PPM1L: variants seen among roughly 807,000 people sequenced by gnomAD.
The protein encoded by PPM1L is protein phosphatase 1L.
Under a neutral mutation model 31.4 loss-of-function variants are expected in PPM1L, and 13 were observed. The ratio of observed to expected loss-of-function variants is 0.41; its 90% CI spans 0.27 to 0.66. PPM1L has a LOEUF of 0.66. PPM1L is among the 30% of genes least tolerant of loss of function. PPM1L has a pLI of 0.29. For synonymous variants in PPM1L, 184 were observed against 175.4 expected (o/e 1.05, Z -0.39); for missense variants, 326 against 453.7 (o/e 0.72, Z 2.56).
chr3:160,837,910 A>T (rs541456009), intron 1 of PPM1L, among the ~76,000 whole-genome samples: 1 of 152,238 alleles, frequency 6.6e-6, no homozygotes, highest in East Asian at 1.9e-4. Context: ...TTAAATGAGG[A>T]AGCTTGTATT....
At chr3:161,020,509 C>T (rs145528434) in intron 2 of PPM1L, among the ~76,000 whole-genome samples, 34 of 152,274 alleles carry the variant, frequency 2.2e-4, no homozygotes, top group African/African-American at 7.9e-4. Context: ...TATCAACTAA[C>T]TAGGGAAATG....
At chr3:160,957,533 C>G (rs988910381) in intron 1 of PPM1L, among the ~76,000 whole-genome samples, 1 of 149,866 alleles carries the variant, frequency 6.7e-6, no homozygotes, top group African/African-American at 2.4e-5. Flanking sequence ...GTGTAAAAGT[C>G]TTCCTTTTCC....
intron 2 of PPM1L, among the ~76,000 whole-genome samples, chr3:160,998,118 C>G (rs1317863591): frequency 6.6e-6 from 1 of 152,106 alleles, no homozygotes; most frequent in Non-Finnish European, 1.5e-5. Context: ...GCATTCAAGA[C>G]AAATAACATT....
At chr3:160,854,502 G>A (rs1326963733) in intron 1 of PPM1L, among the ~76,000 whole-genome samples, 3 of 152,008 alleles carry the variant, frequency 2.0e-5, no homozygotes, top group Non-Finnish European at 4.4e-5. Flanking sequence ...TAGAAGTTTG[G>A]ATTTTCTCAA....
chr3:160,822,548 A>C (rs570052616), intron 1 of PPM1L, among the ~76,000 whole-genome samples: 1 of 151,330 alleles, frequency 6.6e-6, no homozygotes, highest in East Asian at 1.9e-4. Context: ...GTTCTTTAAA[A>C]GTCTGTGTCT....
chr3:161,046,554 A>G (rs1276496768), intron 2 of PPM1L, among the ~76,000 whole-genome samples: 1 of 152,198 alleles, frequency 6.6e-6, no homozygotes, highest in Non-Finnish European at 1.5e-5. Context: ...ATTCCAATCA[A>G]TAGAAAAAGA....
chr3:160,756,697 A>G lies in PPM1L; in HGVS notation c.389A>G (p.His130Arg). The change falls in exon 1 of 4, where the codon CAC becomes CGC. Residue 130 changes from histidine (H) to arginine (R), a missense_variant. By Grantham distance (29) the His-to-Arg change is conservative. This residue lies in a region of PPM1L where 201 missense variants were observed against 298.2 expected (regional missense o/e 0.67). Coordinates refer to ENST00000498165, the MANE Select transcript of PPM1L (RefSeq NM_139245.4). The surrounding 1 kb of genome is among the most constrained non-coding windows in gnomAD (Gnocchi z 6.2). The stretch of plus-strand genomic sequence containing the variant: ...TCCATCTTCGGGATCTTCGACGGGC[A>G]CGGGGGAGAGGTAGGAGCTACCCCG... ...HPSIFGIFDG[H>R]GGETAAEYVK... The G allele has an allele frequency of 6.2e-7, 1 of 1,610,084 alleles. No homozygotes were observed. Among genetic ancestry groups the G allele is most frequent in the Non-Finnish European group, 8.5e-7 (1 of 1,178,572 alleles).
chr3:160,978,364 A>G (rs1350224256), intron 2 of PPM1L, among the ~76,000 whole-genome samples: 1 of 152,214 alleles, frequency 6.6e-6, no homozygotes, highest in African/African-American at 2.4e-5. Context: ...CCGAGGCAGC[A>G]TCTGAGCAGA....
At chr3:161,039,028 A>G (rs1366677386) in intron 2 of PPM1L, among the ~76,000 whole-genome samples, 1 of 152,198 alleles carries the variant, frequency 6.6e-6, no homozygotes, top group African/African-American at 2.4e-5. Flanking sequence ...TACAAATGGC[A>G]TGGCAACGTC....
chr3:160,947,186 C>A (rs1169309405), intron 1 of PPM1L, among the ~76,000 whole-genome samples: 1 of 152,150 alleles, frequency 6.6e-6, no homozygotes, highest in Admixed American at 6.5e-5. Flanking sequence ...AATTCGGAAA[C>A]TAATTTTTCC....
intron 1 of PPM1L, among the ~76,000 whole-genome samples, chr3:160,781,888 G>A (rs1560105602): frequency 6.6e-6 from 1 of 152,150 alleles, no homozygotes; most frequent in Non-Finnish European, 1.5e-5. Flanking sequence ...TTAACTTCCT[G>A]TGCCCAGCAG....
chr3:160,933,243 TTTTTA>T (rs1003307337), intron 1 of PPM1L, among the ~76,000 whole-genome samples: 1 of 152,172 alleles, frequency 6.6e-6, no homozygotes, highest in Non-Finnish European at 1.5e-5. Context: ...CAATTTGTTG[TTTTTA>T]TTTTATTATA....
At chr3:160,788,551 T>A (rs907396663) in intron 1 of PPM1L, among the ~76,000 whole-genome samples, 2 of 98,450 alleles carry the variant, frequency 2.0e-5, no homozygotes, top group Admixed American at 1.9e-4. Flanking sequence ...TTTTGATTTA[T>A]GGATTTTTTT....
intron 1 of PPM1L, among the ~76,000 whole-genome samples, chr3:160,802,731 A>T (rs1272335182): frequency 6.6e-6 from 1 of 152,258 alleles, no homozygotes; most frequent in African/African-American, 2.4e-5. Flanking sequence ...GGCTTTGAAA[A>T]TTCATGAAGA....
At chr3:160,984,055 G>C (rs769067179) in intron 2 of PPM1L, among the ~76,000 whole-genome samples, 66 of 152,136 alleles carry the variant, frequency 4.3e-4, no homozygotes, top group Non-Finnish European at 8.8e-4. Context: ...CATTGTCATT[G>C]ATAAACATTT....
rs570127396 is a variant in PPM1L, at chr3:160,873,657, C to T, written c.400-88079C>T. Among the ~76,000 whole-genome samples, 25 of 152,144 alleles carry T rather than the reference C, an allele frequency of 1.6e-4. 1 individual carries two copies. The South Asian group carries it at 2.1e-3, about 13-fold the overall frequency. On this transcript the variant is annotated intron_variant, in intron 1 of 3. Transcript: ENST00000498165. Reference sequence around the variant, plus strand: ...CTGTCCCCCGGGTTCAAGCAATTCTCCTGCCTCAGCCTCCTGAGAAGCTGG... The same window carrying T: ...CTGTCCCCCGGGTTCAAGCAATTCTTCTGCCTCAGCCTCCTGAGAAGCTGG...
chr3:160,851,419 G>A (rs1711518677), intron 1 of PPM1L, among the ~76,000 whole-genome samples: 1 of 152,164 alleles, frequency 6.6e-6, no homozygotes, highest in African/African-American at 2.4e-5. Flanking sequence ...TTAAATGCCT[G>A]GTTTGTTAGG....
At chr3:160,873,562 A>G (rs1712394774) in intron 1 of PPM1L, among the ~76,000 whole-genome samples, 1 of 151,650 alleles carries the variant, frequency 6.6e-6, no homozygotes, top group Non-Finnish European at 1.5e-5. Flanking sequence ...TATTATTATT[A>G]TTTGAGGCAG....
chr3:161,051,759 G>A (rs74878045), intron 2 of PPM1L, among the ~76,000 whole-genome samples: 2,610 of 152,208 alleles, frequency 0.017, 50 homozygotes, highest in Non-Finnish European at 0.023. Context: ...CTCCAAGTGA[G>A]TTTATAAGTG....
Sources: gnomAD v4.1 joint callset for allele counts (sites outside exome capture counted in the v4.1 genomes callset) on GRCh38, gnomAD v4.1.1 for gene constraint, gnomAD v4.1.1 regional missense constraint, Gnocchi (gnomAD v3.1) non-coding constraint, MANE v1.5 for transcripts, NCBI Gene and HGNC (gene_info 2026-07-23, HGNC 2026-07-21) for gene names.